The following FBLN1 variants were observed in gnomAD, a reference collection of about 807,000 sequenced individuals.
FBLN1 encodes fibulin-1.
In FBLN1, 34 loss-of-function variants were observed where a neutral mutation model predicts 89.7. The ratio of observed to expected loss-of-function variants is 0.38; its 90% CI spans 0.29 to 0.50. The LOEUF (loss-of-function observed/expected upper bound fraction) is 0.50. Among genes scored for constraint, FBLN1 ranks in the 20% least tolerant of loss-of-function variants. FBLN1 has a pLI of 0.92. For synonymous variants in FBLN1, 393 were observed against 391.3 expected (o/e 1.00, Z -0.05); for missense variants, 777 against 988.1 (o/e 0.79, Z 2.86).
intron 14 of FBLN1, among the ~76,000 whole-genome samples, chr22:45,571,565 G>A (rs1286982739): frequency 1.3e-5 from 2 of 152,168 alleles, no homozygotes; most frequent in Non-Finnish European, 2.9e-5. Flanking sequence ...GTTATCCTGA[G>A]GCTACTGTGT....
At chr22:45,535,597 T>A (rs913866783) in intron 8 of FBLN1, 1 of 458,252 alleles carries the variant, frequency 2.2e-6, no homozygotes, top group Non-Finnish European at 3.9e-6. Flanking sequence ...TGTGGCTGTG[T>A]TCCAATAAAA....
intron 6 of FBLN1, among the ~76,000 whole-genome samples, chr22:45,533,542 C>T (rs2088438625): frequency 6.6e-6 from 1 of 152,146 alleles, no homozygotes; most frequent in Non-Finnish European, 1.5e-5. Context: ...TAACTACAGT[C>T]TCAGAAAAAG....
At chr22:45,598,231 C>G (rs2089202541) in intron 16 of FBLN1, among the ~76,000 whole-genome samples, 1 of 152,232 alleles carries the variant, frequency 6.6e-6, no homozygotes, top group South Asian at 2.1e-4. Flanking sequence ...TCACACTGCT[C>G]ACACCAGCTC....
At chr22:45,587,760 C>T (rs1179111730) in intron 16 of FBLN1, among the ~76,000 whole-genome samples, 1 of 152,218 alleles carries the variant, frequency 6.6e-6, no homozygotes, top group Non-Finnish European at 1.5e-5. Flanking sequence ...CCTCTCTCCT[C>T]TCCTGGACTG....
chr22:45,531,989 A>G lies in FBLN1; in HGVS notation c.544+665A>G, dbSNP rs1036634255. On this transcript the variant is annotated intron_variant, in intron 5 of 16. Coordinates refer to ENST00000327858, the MANE Select transcript of FBLN1 (RefSeq NM_006486.3). This position sits in a 1 kb window ranked among gnomAD's most constrained non-coding sequence, Gnocchi z 4.9. ...CTCACAGGGAGATGTCTGCACATTT[A>G]ACTAAGGGCCTCGCAGGTTTGTTTT... is the stretch of plus-strand genomic sequence containing the variant. Among the ~76,000 whole-genome samples, 38 of 152,304 alleles carry G rather than the reference A, an allele frequency of 2.5e-4. No homozygotes were observed. The highest frequency in any genetic ancestry group is 9.1e-4 in the African/African-American group (38 of 41,562).
chr22:45,536,257 C>T lies in FBLN1; in HGVS notation c.922+920C>T, dbSNP rs114371527. ...AGACAGAAAGTAGAATGGAAGGTGC[C>T]GGGGCTGGGCAGGGTGGGGGATGGG... On this transcript the variant is annotated intron_variant, in intron 8 of 16. Transcript: ENST00000327858. The surrounding 1 kb of genome is among the most constrained non-coding windows in gnomAD (Gnocchi z 5.1). Among the ~76,000 whole-genome samples, 914 of 144,962 alleles carry T rather than the reference C, an allele frequency of 6.3e-3. 9 individuals carry two copies. The highest frequency in any genetic ancestry group is 0.022 in the African/African-American group (881 of 39,776).
At position 45,515,682 on chromosome 22, in the gene FBLN1, A is replaced by G. The variant is rs866978258; in HGVS notation, c.80-3000A>G. Among the ~76,000 whole-genome samples the G allele has an allele frequency of 3.9e-5, 6 of 152,294 alleles. No homozygotes were observed. In the South Asian group the frequency reaches 8.3e-4, roughly 21 times the overall value. On this transcript the variant is annotated intron_variant, in intron 1 of 16. Coordinates refer to ENST00000327858, the MANE Select transcript of FBLN1 (RefSeq NM_006486.3). Reference sequence around the variant, plus strand: ...ATTTCTTATGAGCAGCGATAAGTCAATCCCCTTCGACGGTTTAATCCTCCA... The same window carrying G: ...ATTTCTTATGAGCAGCGATAAGTCAGTCCCCTTCGACGGTTTAATCCTCCA...
intron 8 of FBLN1, among the ~76,000 whole-genome samples, chr22:45,539,587 C>T (rs1336604160): frequency 6.6e-6 from 1 of 152,140 alleles, no homozygotes; most frequent in Non-Finnish European, 1.5e-5. Flanking sequence ...TCGGCAGGTC[C>T]TGGGGCAGGA....
rs1320996091 is a variant in FBLN1 at position 45,562,768 on chromosome 22, G to A, written c.1698-11743G>A. 3.8e-5 allele frequency: 31 copies of A among 814,318 alleles called. No individual in the cohort carries two copies. Among genetic ancestry groups the A allele is most frequent in the Non-Finnish European group, 6.2e-5 (29 of 469,480 alleles). The allele number at this position is 814,318 out of a possible 1,614,324, so 50.4% of individuals were successfully genotyped here. On this transcript the variant is annotated intron_variant, in intron 14 of 16. Transcript: ENST00000327858. This position sits in a 1 kb window ranked among gnomAD's most constrained non-coding sequence, Gnocchi z 7.8. ...ACGGCGCCTCCCGCAGGTGAGTGAG[G>A]TGTGCCCTTCGTGTTGGCTGAATCG... is the stretch of plus-strand genomic sequence containing the variant.
At position 45,531,327 on chromosome 22, in the gene FBLN1, GAGACTCGGGC is replaced by G; in HGVS notation, c.544+4_544+13del. On this transcript the variant is annotated splice_donor_5th_base_variant and intron_variant, in intron 5 of 16. Coordinates refer to ENST00000327858, the MANE Select transcript of FBLN1 (RefSeq NM_006486.3). The surrounding 1 kb of genome is among the most constrained non-coding windows in gnomAD (Gnocchi z 4.9). ...ATATCTGAATGACCGCTGCCGAGGTGAGACTCGGGCGTCTCCCATCAGTTGGTATTTAAAC... is the reference window on the plus strand; with the variant it reads ...ATATCTGAATGACCGCTGCCGAGGTGGTCTCCCATCAGTTGGTATTTAAAC... 6.2e-7 allele frequency: 1 copy of G among 1,613,418 alleles called. No individual in the cohort carries two copies. Among genetic ancestry groups the G allele is most frequent in the Non-Finnish European group, 8.5e-7 (1 of 1,179,400 alleles).
In FBLN1 at chr22:45,561,023, G is replaced by A. The variant is rs181871649; in HGVS notation, c.1697+10408G>A. ...CTGGGGATGGGGAAGCTGTTAAGCT[G>A]TTTCTTCTGGCAAAAAAGATTCATC... is the stretch of plus-strand genomic sequence containing the variant. On this transcript the variant is annotated intron_variant, in intron 14 of 16. Transcript: ENST00000327858. This position sits in a 1 kb window ranked among gnomAD's most constrained non-coding sequence, Gnocchi z 4.7. Among the ~76,000 whole-genome samples, 1 of 152,300 alleles carries A rather than the reference G, an allele frequency of 6.6e-6. No individual in the cohort carries two copies. Among genetic ancestry groups the A allele is most frequent in the Admixed American group, 6.5e-5 (1 of 15,292 alleles).
At chr22:45,555,017 T>C (rs1008081667) in intron 14 of FBLN1, among the ~76,000 whole-genome samples, 1 of 151,290 alleles carries the variant, frequency 6.6e-6, no homozygotes, top group Admixed American at 6.6e-5. Flanking sequence ...TTAGGACCCG[T>C]CCCCGTCTCC....
rs1476963016 is a variant in FBLN1, at chr22:45,594,853, G to GAT, written c.1973-5454_1973-5453insAT. Among the ~76,000 whole-genome samples, 6 of 143,738 alleles carry GAT rather than the reference G, an allele frequency of 4.2e-5. 1 individual carries two copies. Among genetic ancestry groups the GAT allele is most frequent in the African/African-American group, 1.7e-4 (6 of 34,838 alleles). The allele number at this position is 143,738 out of a possible 152,430, so 94.3% of individuals were successfully genotyped here. A position where few individuals can be genotyped will look rare whatever the true frequency, so the allele number is the denominator to read the frequency against. On this transcript the variant is annotated intron_variant, in intron 16 of 16. Coordinates refer to ENST00000327858, the MANE Select transcript of FBLN1 (RefSeq NM_006486.3). ...GAGTTGATGGATTGCTGAGTGGGTGGGTGGATGGATGGATGGACGGATGGA... is the reference window on the plus strand; with the variant it reads ...GAGTTGATGGATTGCTGAGTGGGTGGATGTGGATGGATGGATGGACGGATGGA...
chr22:45,523,022 G>A (rs1013158261), intron 2 of FBLN1: 7 of 624,622 alleles, frequency 1.1e-5, no homozygotes, highest in Admixed American at 7.2e-5. Context: ...TTTGTAGGAA[G>A]GCAGGATGTG....
intron 8 of FBLN1, among the ~76,000 whole-genome samples, chr22:45,535,808 T>C (rs190152540): frequency 6.6e-6 from 1 of 152,234 alleles, no homozygotes; most frequent in Non-Finnish European, 1.5e-5. Flanking sequence ...AGGCGAGTAC[T>C]TGCGAAGTAC....
rs2238818 is a variant in FBLN1 at position 45,532,007 on chromosome 22, T to C, written c.544+683T>C. Among the ~76,000 whole-genome samples, 8,632 of 152,316 alleles carry C rather than the reference T, an allele frequency of 0.057. 496 individuals carry two copies. The highest frequency in any genetic ancestry group is 0.16 in the Admixed American group (2,497 of 15,304). Reference sequence around the variant, plus strand: ...CACATTTAACTAAGGGCCTCGCAGGTTTGTTTTTCATATGATAAAACTGCT... The same window carrying C: ...CACATTTAACTAAGGGCCTCGCAGGCTTGTTTTTCATATGATAAAACTGCT... On this transcript the variant is annotated intron_variant, in intron 5 of 16. Transcript: ENST00000327858. This position sits in a 1 kb window ranked among gnomAD's most constrained non-coding sequence, Gnocchi z 4.2.
At position 45,574,553 on chromosome 22, in the gene FBLN1, C is replaced by A. The variant is rs1314190890; in HGVS notation, c.1740C>A (p.Ser580=). Residue 580 remains serine (S), a synonymous_variant, in exon 15 of 17, where the codon TCC becomes TCA. Transcript: ENST00000327858. This position sits in a 1 kb window ranked among gnomAD's most constrained non-coding sequence, Gnocchi z 4.1. ...EKTDTVRCIK[S]CRPNDVTCVF... is the part of the protein sequence containing the mutation. ...CAGACACGGTCCGCTGCATCAAGTC[C>A]TGCCGCCCCAACGATGTCACATGCG... The A allele has an allele frequency of 6.2e-7, 1 of 1,614,214 alleles. No individual in the cohort carries two copies. Among genetic ancestry groups the A allele is most frequent in the South Asian group, 1.1e-5 (1 of 91,086 alleles).
rs548975517 is a variant in FBLN1 at position 45,599,510 on chromosome 22, G to T, written c.1973-797G>T. ...TCAGATGTTCTGGGGGAGAGGATACGCCTGCTTCATTTCTTCTCAGGGGTC... is the reference window on the plus strand; with the variant it reads ...TCAGATGTTCTGGGGGAGAGGATACTCCTGCTTCATTTCTTCTCAGGGGTC... On this transcript the variant is annotated intron_variant, in intron 16 of 16. Transcript: ENST00000327858. Among the ~76,000 whole-genome samples, 6 of 152,266 alleles carry T rather than the reference G, an allele frequency of 3.9e-5. 1 individual carries two copies. The South Asian group carries it at 1.0e-3, about 26-fold the overall frequency.
intron 1 of FBLN1, among the ~76,000 whole-genome samples, chr22:45,517,055 T>C (rs1367162398): frequency 6.6e-6 from 1 of 152,230 alleles, no homozygotes; most frequent in Non-Finnish European, 1.5e-5. Context: ...GGCTGATGAC[T>C]GATAGGGTGG....
Sources: gnomAD v4.1 joint callset for allele counts (sites outside exome capture counted in the v4.1 genomes callset) on GRCh38, gnomAD v4.1.1 for gene constraint, Gnocchi (gnomAD v3.1) non-coding constraint, MANE v1.5 for transcripts, NCBI Gene and HGNC (gene_info 2026-07-23, HGNC 2026-07-21) for gene names.